Variants in LDLRAD4 observed in about 807,000 individuals in gnomAD.
The protein encoded by LDLRAD4 is low-density lipoprotein receptor class A domain-containing protein 4.
Under a neutral mutation model 17.0 loss-of-function variants are expected in LDLRAD4, and 5 were observed. That is an observed-to-expected ratio of 0.29 (90% CI 0.15 to 0.62). The LOEUF is 0.62. Ranked by LOEUF, LDLRAD4 falls within the 20% of genes least tolerant of loss-of-function variation. The probability of loss-of-function intolerance (pLI) is 0.84; values close to 1 mark genes in which losing one functional copy is unlikely to be tolerated. For missense variants in LDLRAD4, 340 were observed against 424.7 expected (o/e 0.80, Z 1.75); for synonymous variants, 168 against 171.8 (o/e 0.98, Z 0.17).
chr18:13,611,631 C>T (rs2148717623), intron 3 of LDLRAD4: 1 of 985,312 alleles, frequency 1.0e-6, no homozygotes, highest in Non-Finnish European at 1.2e-6. Flanking sequence ...GGATTCTGTT[C>T]TCTAATTTCT....
intron 3 of LDLRAD4, chr18:13,612,633 G>A (rs2039693494): frequency 6.2e-7 from 1 of 1,610,228 alleles, no homozygotes; most frequent in East Asian, 2.2e-5. Flanking sequence ...GAGATTGCCG[G>A]AAGCTGAAGG....
At chr18:13,459,194 C>CAGGCAT (rs1555695667) in intron 3 of LDLRAD4, among the ~76,000 whole-genome samples, 1 of 126,188 alleles carries the variant, frequency 7.9e-6, no homozygotes, top group Non-Finnish European at 1.6e-5. Flanking sequence ...AAAAAAAAGC[C>CAGGCAT]AGGCATGGTA....
At chr18:13,248,854 A>G (rs982062754) in intron 1 of LDLRAD4, among the ~76,000 whole-genome samples, 1 of 151,990 alleles carries the variant, frequency 6.6e-6, no homozygotes, top group African/African-American at 2.4e-5. Context: ...TAGAACTCCT[A>G]TCTAGCTGTA....
chr18:13,232,447 A>G (rs1161336356), intron 1 of LDLRAD4, among the ~76,000 whole-genome samples: 1 of 151,940 alleles, frequency 6.6e-6, no homozygotes, highest in Non-Finnish European at 1.5e-5. Flanking sequence ...TCCCCTTTCA[A>G]CAAAATCACC....
intron 3 of LDLRAD4, among the ~76,000 whole-genome samples, chr18:13,508,072 TGACATG>T (rs2093722453): frequency 1.3e-5 from 2 of 149,242 alleles, no homozygotes; most frequent in African/African-American, 5.2e-5. Flanking sequence ...GCCTCATTGT[TGACATG>T]AAGAAAGTTT....
At chr18:13,494,207 C>T (rs1568250360) in intron 3 of LDLRAD4, among the ~76,000 whole-genome samples, 1 of 152,132 alleles carries the variant, frequency 6.6e-6, no homozygotes, top group East Asian at 1.9e-4. Context: ...GTATCCCAAC[C>T]TGCTGTCTAG....
At chr18:13,464,618 C>T (rs534603205) in intron 3 of LDLRAD4, among the ~76,000 whole-genome samples, 37 of 152,262 alleles carry the variant, frequency 2.4e-4, no homozygotes, top group Admixed American at 1.8e-3. Flanking sequence ...ATTTGAGGGG[C>T]CACCGTGTGT....
At chr18:13,507,575 TTAGGTTGGCTCCA>T (rs2093714724) in intron 3 of LDLRAD4, among the ~76,000 whole-genome samples, 1 of 152,208 alleles carries the variant, frequency 6.6e-6, no homozygotes, top group Non-Finnish European at 1.5e-5. Flanking sequence ...CAGTGAGCAC[TTAGGTTGGCTCCA>T]TATCTTTGCA....
chr18:13,350,555 AG>A (rs1447276041), intron 1 of LDLRAD4, among the ~76,000 whole-genome samples: 15 of 152,162 alleles, frequency 9.9e-5, no homozygotes, highest in Admixed American at 1.3e-4. Flanking sequence ...GGTAGATTGC[AG>A]AAATTTTCTC....
chr18:13,343,137 G>T (rs1268437500), intron 1 of LDLRAD4, among the ~76,000 whole-genome samples: 3 of 151,932 alleles, frequency 2.0e-5, no homozygotes, highest in Admixed American at 2.0e-4. Flanking sequence ...CAACGTGCAG[G>T]TTAGTTACAT....
intron 3 of LDLRAD4, among the ~76,000 whole-genome samples, chr18:13,554,895 T>A (rs900050486): frequency 2.0e-5 from 3 of 152,042 alleles, no homozygotes; most frequent in African/African-American, 7.3e-5. Context: ...AGCTGTATGG[T>A]AGAGAAACCT....
intron 3 of LDLRAD4, among the ~76,000 whole-genome samples, chr18:13,491,934 C>T (rs994158083): frequency 5.3e-5 from 8 of 152,168 alleles, no homozygotes; most frequent in African/African-American, 9.7e-5. Flanking sequence ...AAAGTAGAGG[C>T]GCTTCCATCA....
In LDLRAD4 at chr18:13,227,347, T is replaced by G. The variant is rs547971053; in HGVS notation, c.-467+8359T>G. On this transcript the variant is annotated intron_variant, in intron 1 of 5. Transcript: ENST00000399848. ...CAGCTGGAATGGAGGGTGCTTACCG[T>G]GCTGGAGGGAGCAAGATGGCACCAC... Among the ~76,000 whole-genome samples the G allele has an allele frequency of 9.2e-5, 14 of 152,312 alleles. No homozygotes were observed. The South Asian group carries it at 2.7e-3, about 29-fold the overall frequency.
chr18:13,452,040 C>T (rs538973496), intron 3 of LDLRAD4, among the ~76,000 whole-genome samples: 74 of 152,318 alleles, frequency 4.9e-4, no homozygotes, highest in African/African-American at 1.6e-3. Flanking sequence ...GGAAATCACC[C>T]GGAAGGACCC....
Position 13,241,990 on chromosome 18 carries a change from T to A in LDLRAD4, c.-467+23002T>A, listed in dbSNP as rs1375859529. On this transcript the variant is annotated intron_variant, in intron 1 of 5. Transcript: ENST00000399848. ...CACACGCGTCATCACGCGAGGCCAG[T>A]GTCCGTCGGGGTGTGTGTCTACAAG... 2.0e-5 allele frequency: 3 copies of A among 152,268 alleles called. No individual in the cohort carries two copies. The East Asian group carries it at 5.8e-4, about 29-fold the overall frequency. 9.4% of individuals were successfully genotyped at this position (152,268 alleles called of 1,614,324 possible). A position where few individuals can be genotyped will look rare whatever the true frequency, so the allele number is the denominator to read the frequency against.
At chr18:13,510,248 A>C (rs957449630) in intron 3 of LDLRAD4, among the ~76,000 whole-genome samples, 15 of 152,108 alleles carry the variant, frequency 9.9e-5, no homozygotes, top group Non-Finnish European at 2.9e-5. Flanking sequence ...CCGTGGTTAG[A>C]TCTAGAATGG....
At chr18:13,389,344 A>G (rs2086086792) in intron 2 of LDLRAD4, among the ~76,000 whole-genome samples, 1 of 150,592 alleles carries the variant, frequency 6.6e-6, no homozygotes, top group Admixed American at 6.6e-5. Context: ...CCCTCCAGTC[A>G]GGGGTGGGCA....
intron 1 of LDLRAD4, among the ~76,000 whole-genome samples, chr18:13,239,301 A>T (rs1490790400): frequency 2.6e-5 from 4 of 152,106 alleles, no homozygotes; most frequent in Non-Finnish European, 5.9e-5. Context: ...TGGAAATGTT[A>T]ATGCAGCTAA....
chr18:13,224,412 C>G (rs956360822), intron 1 of LDLRAD4, among the ~76,000 whole-genome samples: 1 of 150,668 alleles, frequency 6.6e-6, no homozygotes, highest in African/African-American at 2.4e-5. Flanking sequence ...CCAGCTGTCT[C>G]TTCACTCGGA....
Sources: gnomAD v4.1 joint callset for allele counts (sites outside exome capture counted in the v4.1 genomes callset) on GRCh38, gnomAD v4.1.1 for gene constraint, MANE v1.5 for transcripts, NCBI Gene and HGNC (gene_info 2026-07-23, HGNC 2026-07-21) for gene names.